Variants in HCRTR2 observed in about 807,000 individuals in gnomAD.
The protein encoded by HCRTR2 is orexin receptor type 2.
Under a neutral mutation model 49.0 loss-of-function variants are expected in HCRTR2, and 22 were observed. The ratio of observed to expected loss-of-function variants is 0.45; its 90% CI spans 0.32 to 0.64. HCRTR2 has a LOEUF of 0.64. HCRTR2 is among the 30% of genes least tolerant of loss of function. HCRTR2 has a pLI of 0.04. For synonymous variants in HCRTR2, 236 were observed against 205.3 expected (o/e 1.15, Z -1.28); for missense variants, 491 against 559.4 (o/e 0.88, Z 1.23).
intron 1 of HCRTR2, among the ~76,000 whole-genome samples, chr6:55,110,113 G>A (rs1182232366): frequency 1.3e-5 from 2 of 152,164 alleles, no homozygotes; most frequent in East Asian, 3.9e-4. Context: ...TTTGTATCCA[G>A]TGACTAAGGT....
chr6:55,230,097 T>C (rs1766086135), intron 1 of HCRTR2, among the ~76,000 whole-genome samples: 1 of 152,170 alleles, frequency 6.6e-6, no homozygotes, highest in Admixed American at 6.5e-5. Flanking sequence ...TCTCATGCCT[T>C]AATTATAGTT....
At chr6:55,202,379 A>G (rs1052645988) in intron 1 of HCRTR2, among the ~76,000 whole-genome samples, 2 of 152,184 alleles carry the variant, frequency 1.3e-5, no homozygotes, top group Non-Finnish European at 2.9e-5. Context: ...TGTGGAGGTG[A>G]TAGACATTCA....
chr6:55,203,090 C>G (rs985291145), intron 1 of HCRTR2, among the ~76,000 whole-genome samples: 1 of 152,094 alleles, frequency 6.6e-6, no homozygotes, highest in Admixed American at 6.5e-5. Context: ...CAAATTAGAA[C>G]TACATAATTA....
intron 1 of HCRTR2, among the ~76,000 whole-genome samples, chr6:55,191,439 T>C (rs1393861974): frequency 6.6e-6 from 1 of 152,174 alleles, no homozygotes; most frequent in African/African-American, 2.4e-5. Flanking sequence ...ATTATTAAAA[T>C]CTATACACAT....
chr6:55,156,412 A>T lies in HCRTR2; in HGVS notation c.-377-17799A>T, dbSNP rs73448822. Among the ~76,000 whole-genome samples the T allele has an allele frequency of 4.3e-3, 657 of 152,228 alleles. 5 individuals carry two copies. Among genetic ancestry groups the T allele is most frequent in the African/African-American group, 0.015 (628 of 41,556 alleles). On this transcript the variant is annotated intron_variant, in intron 1 of 7. Coordinates refer to the HCRTR2 transcript ENST00000615358. ...TTCTGTGGAGTTACTATTAATCCAG[A>T]GATGAAGAATCTAAAACTCTAAATT...
At chr6:55,278,714 T>G (rs1767127389) in intron 5 of HCRTR2, among the ~76,000 whole-genome samples, 1 of 129,610 alleles carries the variant, frequency 7.7e-6, no homozygotes, top group East Asian at 2.8e-4. Context: ...CTTTTTGTGC[T>G]TTGCTTCTTA....
chr6:55,226,913 T>A (rs1354747848), intron 1 of HCRTR2, among the ~76,000 whole-genome samples: 1 of 152,012 alleles, frequency 6.6e-6, no homozygotes, highest in East Asian at 1.9e-4. Flanking sequence ...ATCAAAGAAT[T>A]CATGAAAACA....
Position 55,236,076 on chromosome 6 carries a change from C to T in HCRTR2, c.224-12563C>T, listed in dbSNP as rs62416796. On this transcript the variant is annotated intron_variant, in intron 1 of 6. Transcript: ENST00000370862. ...ATTTTAATTTGGAATGCATTGAATC[C>T]ATATATCAATTTTAGAGAAAACTCA... is the stretch of plus-strand genomic sequence containing the variant. Among the ~76,000 whole-genome samples, 1,022 of 152,024 alleles carry T rather than the reference C, an allele frequency of 6.7e-3. 6 individuals carry two copies. The highest frequency in any genetic ancestry group is 0.01 in the Middle Eastern group (3 of 290).
In HCRTR2 at chr6:55,228,331, A is replaced by G. The variant is rs1031216051; in HGVS notation, c.224-20308A>G. ...ACAGCAACAGAGTTTAGAGTTTAGG[A>G]AAAAAAATTAAATATTAAATTTTAA... On this transcript the variant is annotated intron_variant, in intron 1 of 6. Coordinates refer to ENST00000370862, the MANE Select transcript of HCRTR2 (RefSeq NM_001384272.1). Among the ~76,000 whole-genome samples the G allele has an allele frequency of 2.4e-4, 32 of 132,486 alleles. 1 individual carries two copies. The highest frequency in any genetic ancestry group is 1.3e-3 in the Admixed American group (19 of 14,148). The allele number at this position is 132,486 out of a possible 152,430, so 86.9% of individuals were successfully genotyped here. A position where few individuals can be genotyped will look rare whatever the true frequency, so the allele number is the denominator to read the frequency against.
intron 1 of HCRTR2, among the ~76,000 whole-genome samples, chr6:55,210,115 A>G (rs1484669674): frequency 3.3e-5 from 5 of 152,144 alleles, no homozygotes; most frequent in Non-Finnish European, 7.4e-5. Context: ...CACCATTGGA[A>G]ACTCAGTATG....
Position 55,248,751 on chromosome 6 carries a change from G to A in HCRTR2, c.336G>A (p.Leu112=), listed in dbSNP as rs1421667431. 8 of 1,613,368 alleles carry A rather than the reference G, an allele frequency of 5.0e-6. No homozygotes were observed. The highest frequency in any genetic ancestry group is 1.6e-4 in the Middle Eastern group (1 of 6,076). ...CCATCACCTGCCTTCCAGCCACACT[G>A]GTCGTGGATATCACTGAGACCTGGT... is the stretch of plus-strand genomic sequence containing the variant. ...LVTITCLPAT[L]VVDITETWFF... The change falls in exon 2 of 7, where the codon CTG becomes CTA. Residue 112 remains leucine, a synonymous_variant. Transcript: ENST00000370862.
chr6:55,221,337 A>G (rs1403389103), intron 1 of HCRTR2, among the ~76,000 whole-genome samples: 1 of 152,220 alleles, frequency 6.6e-6, no homozygotes, highest in African/African-American at 2.4e-5. Context: ...AGATATATGA[A>G]CTTACAAACC....
chr6:55,272,725 C>T (rs747252091), intron 4 of HCRTR2, among the ~76,000 whole-genome samples: 22 of 151,162 alleles, frequency 1.5e-4, no homozygotes, highest in Non-Finnish European at 5.9e-5. Flanking sequence ...TTTATCTGTA[C>T]TTTCTGACTA....
chr6:55,243,987 G>A (rs975250130), intron 1 of HCRTR2, among the ~76,000 whole-genome samples: 2 of 152,016 alleles, frequency 1.3e-5, no homozygotes, highest in South Asian at 4.1e-4. Flanking sequence ...TATTTAATTG[G>A]TTAAAAAGCT....
intron 1 of HCRTR2, among the ~76,000 whole-genome samples, chr6:55,127,812 A>AC (rs34752401): frequency 0.62 from 94,422 of 151,936 alleles, 30,518 homozygotes; most frequent in African/African-American, 0.73. Context: ...CCAAAAGGAG[A>AC]CTTGCCTACA....
At chr6:55,114,571 A>G (rs1764091774) in intron 1 of HCRTR2, among the ~76,000 whole-genome samples, 1 of 151,798 alleles carries the variant, frequency 6.6e-6, no homozygotes, top group African/African-American at 2.4e-5. Context: ...TACCCTCTGT[A>G]TTTGCAACAT....
At chr6:55,209,682 C>T (rs1765663480) in intron 1 of HCRTR2, among the ~76,000 whole-genome samples, 1 of 152,128 alleles carries the variant, frequency 6.6e-6, no homozygotes, top group Admixed American at 6.6e-5. Flanking sequence ...GATGAAGTTC[C>T]TTACTCTCTT....
chr6:55,240,068 C>A (rs144888598), intron 1 of HCRTR2, among the ~76,000 whole-genome samples: 1,830 of 151,954 alleles, frequency 0.012, 42 homozygotes, highest in African/African-American at 0.042. Context: ...TGAGCCACCG[C>A]GCCCGGCCAG....
chr6:55,257,226 C>T (rs1169336516), intron 3 of HCRTR2, among the ~76,000 whole-genome samples: 2 of 152,116 alleles, frequency 1.3e-5, no homozygotes, highest in Admixed American at 6.6e-5. Flanking sequence ...TTATACGATC[C>T]TTTTACACTG....
Sources: allele counts gnomAD v4.1 joint callset (sites outside exome capture counted in the v4.1 genomes callset), GRCh38; gene constraint gnomAD v4.1.1; transcripts MANE v1.5; gene names NCBI Gene and HGNC (gene_info 2026-07-23, HGNC 2026-07-21).